Variants in CSMD1 observed in about 807,000 individuals in gnomAD.
CSMD1 encodes CUB and Sushi multiple domains 1, also known as CUB and sushi domain-containing protein 1.
A neutral mutation model predicts 417.5 loss-of-function variants in CSMD1; 213 were observed. The ratio of observed to expected loss-of-function variants is 0.51; its 90% CI spans 0.46 to 0.57. The LOEUF is 0.57. Ranked by LOEUF, CSMD1 falls within the 20% of genes least tolerant of loss-of-function variation. The probability of loss-of-function intolerance (pLI) is 0.00; values close to 1 mark genes in which losing one functional copy is unlikely to be tolerated. For synonymous variants in CSMD1, 2,862 were observed against 1,736.8 expected (o/e 1.65, Z -16.11); for missense variants, 6,923 against 4,529.7 (o/e 1.53, Z -15.17).
chr8:3,008,337 C>A (rs1366988928), intron 52 of CSMD1, among the ~76,000 whole-genome samples: 1 of 152,180 alleles, frequency 6.6e-6, no homozygotes, highest in African/African-American at 2.4e-5. Context: ...ACAGGGAAAA[C>A]CACTCACTCC....
At chr8:4,673,790 T>C (rs1805501757) in intron 1 of CSMD1, among the ~76,000 whole-genome samples, 1 of 152,178 alleles carries the variant, frequency 6.6e-6, no homozygotes, top group African/African-American at 2.4e-5. Context: ...TAAGTTTGTA[T>C]GAAGTGTTCA....
chr8:4,782,630 A>AT (rs1164743710), intron 1 of CSMD1, among the ~76,000 whole-genome samples: 3 of 152,074 alleles, frequency 2.0e-5, no homozygotes, highest in African/African-American at 7.2e-5. Context: ...ATGTACAGCT[A>AT]TTTTTTACTG....
chr8:3,900,621 G>T (rs564270231), intron 5 of CSMD1, among the ~76,000 whole-genome samples: 33 of 152,020 alleles, frequency 2.2e-4, no homozygotes, highest in African/African-American at 8.0e-4. Context: ...GTGACACTAA[G>T]TTGGGTAACA....
chr8:4,708,235 C>CAGTG (rs1416435606), intron 1 of CSMD1, among the ~76,000 whole-genome samples: 1 of 152,158 alleles, frequency 6.6e-6, no homozygotes, highest in Non-Finnish European at 1.5e-5. Flanking sequence ...CAGGCATGAG[C>CAGTG]CACTGCATCT....
At chr8:3,738,049 G>C (rs991120313) in intron 6 of CSMD1, among the ~76,000 whole-genome samples, 4 of 152,168 alleles carry the variant, frequency 2.6e-5, no homozygotes, top group African/African-American at 9.7e-5. Context: ...GTGTCTGTAA[G>C]TTTCAAACAC....
chr8:4,116,887 T>C (rs1474003754), intron 3 of CSMD1, among the ~76,000 whole-genome samples: 1 of 152,062 alleles, frequency 6.6e-6, no homozygotes, highest in Non-Finnish European at 1.5e-5. Flanking sequence ...AAGAATAAGC[T>C]TTCTGAAATC....
intron 3 of CSMD1, among the ~76,000 whole-genome samples, chr8:4,184,679 A>G (rs1415580095): frequency 2.6e-5 from 4 of 152,186 alleles, no homozygotes; most frequent in African/African-American, 7.2e-5. Flanking sequence ...AAAGAGGGAA[A>G]CAACAGACAC....
intron 1 of CSMD1, among the ~76,000 whole-genome samples, chr8:4,671,132 C>T (rs1210304972): frequency 6.6e-6 from 1 of 152,194 alleles, no homozygotes. Flanking sequence ...ACTCAGTATT[C>T]TCTCTTCAAA....
intron 18 of CSMD1, among the ~76,000 whole-genome samples, chr8:3,372,905 G>T (rs1810063246): frequency 6.6e-6 from 1 of 152,170 alleles, no homozygotes; most frequent in Non-Finnish European, 1.5e-5. Flanking sequence ...CGCGTAGTGG[G>T]AAGAAAACCA....
intron 3 of CSMD1, among the ~76,000 whole-genome samples, chr8:4,375,211 G>C (rs868510628): frequency 6.6e-6 from 1 of 152,050 alleles, no homozygotes; most frequent in Non-Finnish European, 1.5e-5. Flanking sequence ...TTTGCCCACG[G>C]GGATAGATAG....
intron 3 of CSMD1, among the ~76,000 whole-genome samples, chr8:4,240,139 T>C (rs1230234685): frequency 6.6e-6 from 1 of 152,174 alleles, no homozygotes; most frequent in Non-Finnish European, 1.5e-5. Context: ...AAAAGTAAAA[T>C]AAACATTATT....
At chr8:3,050,929 T>C (rs970198099) in intron 50 of CSMD1, among the ~76,000 whole-genome samples, 10 of 152,132 alleles carry the variant, frequency 6.6e-5, no homozygotes, top group Non-Finnish European at 1.3e-4. Context: ...AATATCATTG[T>C]AAATAAGTAA....
chr8:4,964,617 G>A (rs1809731579), intron 1 of CSMD1, among the ~76,000 whole-genome samples: 1 of 149,748 alleles, frequency 6.7e-6, no homozygotes. Flanking sequence ...TGACCCTGAA[G>A]CAGGTGGATC....
At chr8:4,881,889 G>A (rs1004724672) in intron 1 of CSMD1, among the ~76,000 whole-genome samples, 1 of 151,952 alleles carries the variant, frequency 6.6e-6, no homozygotes, top group Non-Finnish European at 1.5e-5. Context: ...TATGAGGCAG[G>A]GGAAAAACAT....
chr8:4,435,075 A>C (rs1798079097), intron 2 of CSMD1, among the ~76,000 whole-genome samples: 1 of 152,204 alleles, frequency 6.6e-6, no homozygotes, highest in South Asian at 2.1e-4. Context: ...ATATCGGTGT[A>C]ATAAAAATGG....
intron 10 of CSMD1, among the ~76,000 whole-genome samples, chr8:3,519,771 G>C (rs1417202552): frequency 6.6e-6 from 1 of 152,034 alleles, no homozygotes; most frequent in African/African-American, 2.4e-5. Context: ...TGGCTGTATG[G>C]AACACTTGCA....
intron 25 of CSMD1, among the ~76,000 whole-genome samples, chr8:3,285,097 T>G (rs770455842): frequency 7.9e-5 from 12 of 152,146 alleles, no homozygotes; most frequent in Admixed American, 2.6e-4. Flanking sequence ...CAACAAAAAT[T>G]AGCAGCCCTG....
At chr8:4,926,196 G>T (rs138079898) in intron 1 of CSMD1, among the ~76,000 whole-genome samples, 35 of 152,300 alleles carry the variant, frequency 2.3e-4, no homozygotes, top group African/African-American at 8.2e-4. Flanking sequence ...TATTCAAATT[G>T]CAGGGTAAAG....
rs1040433388 is a variant in CSMD1, at chr8:3,864,152, T to A, written c.819-110110A>T. 1.6e-4 allele frequency among the ~76,000 whole-genome samples: 25 copies of A among 152,330 alleles called. No individual in the cohort carries two copies. The East Asian group carries it at 4.4e-3, about 27-fold the overall frequency. ...AAAAAATGTGACCAGCATTTATGGA[T>A]CACCTTTAATATTATAGGAAATCTG... is the stretch of plus-strand genomic sequence containing the variant. On this transcript the variant is annotated intron_variant, in intron 5 of 69. Coordinates refer to ENST00000635120, the MANE Select transcript of CSMD1 (RefSeq NM_033225.6).
Sources: gnomAD v4.1 joint callset for allele counts (sites outside exome capture counted in the v4.1 genomes callset) on GRCh38, gnomAD v4.1.1 for gene constraint, MANE v1.5 for transcripts, NCBI Gene and HGNC (gene_info 2026-07-23, HGNC 2026-07-21) for gene names.